ALCAM: variants seen among roughly 807,000 people sequenced by gnomAD.
ALCAM encodes the protein CD166 antigen.
Under a neutral mutation model 70.9 loss-of-function variants are expected in ALCAM, and 30 were observed. The observed-to-expected ratio is 0.42, with a 90% CI of 0.32 to 0.57. The LOEUF (loss-of-function observed/expected upper bound fraction) is 0.57. Among genes scored for constraint, ALCAM ranks in the 20% least tolerant of loss-of-function variants. The pLI, the probability that ALCAM is intolerant of heterozygous loss-of-function variation, is 0.11. For missense variants in ALCAM, 591 were observed against 695.1 expected (o/e 0.85, Z 1.68); for synonymous variants, 249 against 242.5 (o/e 1.03, Z -0.25).
chr3:105,377,628 G>A (rs9822014), intron 1 of ALCAM, among the ~76,000 whole-genome samples: 13,776 of 152,008 alleles, frequency 0.091, 695 homozygotes, highest in Non-Finnish European at 0.12. Flanking sequence ...CTATATTGGT[G>A]CCTAACTTTA....
intron 1 of ALCAM, among the ~76,000 whole-genome samples, chr3:105,376,160 A>G (rs966883622): frequency 6.6e-6 from 1 of 152,162 alleles, no homozygotes; most frequent in Non-Finnish European, 1.5e-5. Flanking sequence ...GATTAGAGGC[A>G]TGGAATTTAT....
intron 1 of ALCAM, among the ~76,000 whole-genome samples, chr3:105,407,524 T>G (rs191109495): frequency 6.6e-6 from 1 of 152,298 alleles, no homozygotes; most frequent in East Asian, 1.9e-4. Context: ...TCAGTATCCC[T>G]TTATTATTAA....
intron 1 of ALCAM, among the ~76,000 whole-genome samples, chr3:105,513,752 AG>A (rs1404309130): frequency 2.6e-5 from 4 of 152,118 alleles, no homozygotes; most frequent in African/African-American, 7.2e-5. Context: ...TGGCCCCAAA[AG>A]GAATCCAAAT....
chr3:105,574,273 A>G (rs1183374043), intron 15 of ALCAM, among the ~76,000 whole-genome samples: 4 of 152,164 alleles, frequency 2.6e-5, no homozygotes, highest in African/African-American at 9.7e-5. Flanking sequence ...TTACAAAAAA[A>G]GAAAACTCTG....
At position 105,563,667 on chromosome 3, in the gene ALCAM, C is replaced by CTTTTTTTTTTTTTTTTTTTTTTTTTTT. The variant is rs749625480; in HGVS notation, c.1665-8180_1665-8154dup. 5.8e-5 allele frequency among the ~76,000 whole-genome samples: 3 copies of CTTTTTTTTTTTTTTTTTTTTTTTTTTT among 52,046 alleles called. 1 individual carries two copies. Among genetic ancestry groups the CTTTTTTTTTTTTTTTTTTTTTTTTTTT allele is most frequent in the African/African-American group, 3.0e-4 (3 of 9,896 alleles). 34.1% of individuals were successfully genotyped at this position (52,046 alleles called of 152,430 possible). A position where few individuals can be genotyped will look rare whatever the true frequency, so the allele number is the denominator to read the frequency against. ...GACCTGTATGAAATTCCAAGCATTT[C>CTTTTTTTTTTTTTTTTTTTTTTTTTTT]TTTTTTTTTTTTTTTTTTTTTTTTT... On this transcript the variant is annotated intron_variant, in intron 14 of 15. Coordinates refer to ENST00000306107, the MANE Select transcript of ALCAM (RefSeq NM_001627.4).
chr3:105,528,040 G>A (rs1939750304), intron 3 of ALCAM, among the ~76,000 whole-genome samples: 1 of 152,164 alleles, frequency 6.6e-6, no homozygotes, highest in Admixed American at 6.5e-5. Flanking sequence ...AGTACTTCAT[G>A]ATTTATGAGG....
At chr3:105,402,938 CTTTTTT>C (rs58126212) in intron 1 of ALCAM, among the ~76,000 whole-genome samples, 3 of 117,226 alleles carry the variant, frequency 2.6e-5, no homozygotes, top group East Asian at 4.6e-4. Context: ...AGCTGATGCG[CTTTTTT>C]TTTTTTTTTT....
At chr3:105,410,828 G>A (rs975958512) in intron 1 of ALCAM, among the ~76,000 whole-genome samples, 7 of 98,494 alleles carry the variant, frequency 7.1e-5, no homozygotes, top group Admixed American at 5.1e-4. Flanking sequence ...AAATGATTGT[G>A]GGGCACTTTG....
chr3:105,377,792 A>G (rs1935415067), intron 1 of ALCAM, among the ~76,000 whole-genome samples: 1 of 152,044 alleles, frequency 6.6e-6, no homozygotes, highest in Non-Finnish European at 1.5e-5. Context: ...AATACTCTGT[A>G]CAATCAGGAT....
At chr3:105,526,926 C>T (rs1373552151) in intron 3 of ALCAM, among the ~76,000 whole-genome samples, 1 of 152,186 alleles carries the variant, frequency 6.6e-6, no homozygotes, top group East Asian at 1.9e-4. Flanking sequence ...GGGAGCCAGT[C>T]TCAGATCAGG....
intron 1 of ALCAM, among the ~76,000 whole-genome samples, chr3:105,516,641 A>G (rs1246375103): frequency 6.6e-6 from 1 of 152,146 alleles, no homozygotes; most frequent in Non-Finnish European, 1.5e-5. Flanking sequence ...ATCGTATTGT[A>G]TGTTAAGACA....
chr3:105,462,897 C>G (rs371592839), intron 1 of ALCAM, among the ~76,000 whole-genome samples: 167 of 151,400 alleles, frequency 1.1e-3, no homozygotes, highest in African/African-American at 3.9e-3. Flanking sequence ...TCTTCTTATC[C>G]AGGTAGTTTT....
Position 105,533,647 on chromosome 3 carries a change from C to T in ALCAM, c.504C>T (p.Ile168=). The change falls in exon 5 of 16, where the codon ATC becomes ATT. Residue 168 remains isoleucine (I), a synonymous_variant. Transcript: ENST00000306107. ...ISEDSYPDGN[I]TWYRNGKVLH... ...AAGACAGTTATCCAGATGGCAATAT[C>T]ACATGGTACAGGAATGGAAAAGTGC... is the stretch of plus-strand genomic sequence containing the variant. 1.2e-6 allele frequency: 2 copies of T among 1,612,084 alleles called. No homozygotes were observed. The highest frequency in any genetic ancestry group is 1.7e-4 in the Middle Eastern group (1 of 6,040).
At chr3:105,395,695 G>C (rs1935933415) in intron 1 of ALCAM, among the ~76,000 whole-genome samples, 1 of 152,028 alleles carries the variant, frequency 6.6e-6, no homozygotes, top group African/African-American at 2.4e-5. Context: ...AGAAGTCTCT[G>C]TAACAGAGCT....
intron 7 of ALCAM, among the ~76,000 whole-genome samples, chr3:105,540,556 A>G (rs980981709): frequency 6.6e-6 from 1 of 151,988 alleles, no homozygotes; most frequent in Admixed American, 6.6e-5. Context: ...GTCATTATGT[A>G]TAATCTTGAA....
chr3:105,425,803 T>C (rs1324396706), intron 1 of ALCAM, among the ~76,000 whole-genome samples: 2 of 150,974 alleles, frequency 1.3e-5, no homozygotes, highest in East Asian at 3.9e-4. Context: ...TTCTGTAGAG[T>C]TGGGGTATCA....
At chr3:105,466,435 G>A (rs57986655) in intron 1 of ALCAM, among the ~76,000 whole-genome samples, 20,142 of 151,460 alleles carry the variant, frequency 0.13, 1,415 homozygotes, top group Middle Eastern at 0.18. Context: ...TATTAAAGCT[G>A]CATATGTTCA....
At chr3:105,533,318 A>G (rs1007583307) in intron 4 of ALCAM, among the ~76,000 whole-genome samples, 1 of 152,168 alleles carries the variant, frequency 6.6e-6, no homozygotes, top group African/African-American at 2.4e-5. Context: ...TAGTGTCAAA[A>G]TGAATTTGGC....
At chr3:105,425,308 C>T (rs747734732) in intron 1 of ALCAM, among the ~76,000 whole-genome samples, 2 of 151,542 alleles carry the variant, frequency 1.3e-5, no homozygotes, top group Non-Finnish European at 2.9e-5. Context: ...TCTGTGTGTG[C>T]GCCTGTGTGT....
Sources: allele counts gnomAD v4.1 joint callset (sites outside exome capture counted in the v4.1 genomes callset), GRCh38; gene constraint gnomAD v4.1.1; transcripts MANE v1.5; gene names NCBI Gene and HGNC (gene_info 2026-07-23, HGNC 2026-07-21).